TNKS: variants seen among roughly 807,000 people sequenced by gnomAD.
The protein encoded by TNKS is tankyrase.
A neutral mutation model predicts 135.8 loss-of-function variants in TNKS; 72 were observed. The ratio of observed to expected loss-of-function variants is 0.53; its 90% CI spans 0.44 to 0.64. TNKS has a LOEUF of 0.64. Ranked by LOEUF, TNKS falls within the 30% of genes least tolerant of loss-of-function variation. The probability of loss-of-function intolerance (pLI) is 0.00; values close to 1 mark genes in which losing one functional copy is unlikely to be tolerated. For synonymous variants in TNKS, 849 were observed against 649.3 expected (o/e 1.31, Z -4.68); for missense variants, 1,769 against 1,674.0 (o/e 1.06, Z -0.99).
At chr8:9,634,492 G>GT (rs1462623661) in intron 3 of TNKS, among the ~76,000 whole-genome samples, 4 of 152,132 alleles carry the variant, frequency 2.6e-5, no homozygotes, top group African/African-American at 4.8e-5. Context: ...GTTGTTCTTT[G>GT]TTTTTTGCAG....
Position 9,556,274 on chromosome 8 carries a change from C to G in TNKS, c.335C>G (p.Ser112Cys). 3.7e-6 allele frequency: 6 copies of G among 1,614,276 alleles called. No individual in the cohort carries two copies. Among genetic ancestry groups the G allele is most frequent in the Admixed American group, 1.7e-5 (1 of 60,036 alleles). ...APVVPAVSTS[S>C]AAGVAPNPAG... ...GTGGTCCCAGCGGTTTCTACTTCAT[C>G]TGCCGCTGGGGTCGCTCCCAACCCA... is the stretch of plus-strand genomic sequence containing the variant. The change falls in exon 1 of 27, where the codon TCT becomes TGT. Residue 112 changes from serine (S) to cysteine (C), a missense_variant. This residue lies in a region of TNKS where 450 missense variants were observed against 304.9 expected (regional missense o/e 1.48). Coordinates refer to ENST00000310430, the MANE Select transcript of TNKS (RefSeq NM_003747.3).
chr8:9,666,667 G>A (rs551507902), intron 3 of TNKS, among the ~76,000 whole-genome samples: 1 of 151,780 alleles, frequency 6.6e-6, no homozygotes, highest in South Asian at 2.1e-4. Context: ...TTTGCAGTGA[G>A]CCAAGATGGT....
At chr8:9,646,945 G>C (rs1000432473) in intron 3 of TNKS, among the ~76,000 whole-genome samples, 2 of 152,068 alleles carry the variant, frequency 1.3e-5, no homozygotes, top group African/African-American at 4.8e-5. Context: ...AGAAAAATTT[G>C]GGAAATTTTA....
At chr8:9,750,719 C>T (rs28675389) in intron 18 of TNKS, among the ~76,000 whole-genome samples, 3 of 152,142 alleles carry the variant, frequency 2.0e-5, no homozygotes, top group African/African-American at 7.2e-5. Context: ...CACTAAGCCA[C>T]CCCCAAACCC....
intron 5 of TNKS, among the ~76,000 whole-genome samples, chr8:9,688,140 T>C (rs1182889808): frequency 6.6e-6 from 1 of 152,216 alleles, no homozygotes; most frequent in African/African-American, 2.4e-5. Flanking sequence ...AAATATTACA[T>C]GATAAAGATA....
intron 3 of TNKS, among the ~76,000 whole-genome samples, chr8:9,634,980 A>G (rs533450910): frequency 6.6e-6 from 1 of 151,590 alleles, no homozygotes; most frequent in South Asian, 2.1e-4. Context: ...GATCGAGACC[A>G]CGGTGAAACC....
At chr8:9,627,961 C>T (rs908108674) in intron 3 of TNKS, among the ~76,000 whole-genome samples, 7 of 152,142 alleles carry the variant, frequency 4.6e-5, no homozygotes, top group Admixed American at 1.3e-4. Flanking sequence ...CAGCTGCACT[C>T]GTGTACAATG....
chr8:9,776,788 C>T lies in TNKS; in HGVS notation c.*52C>T. ...CAGATTTCAACCTGGGACTGGATTA[C>T]AGAGGATTGTTTCTAATAACAACAT... is the stretch of plus-strand genomic sequence containing the variant. On this transcript the variant is annotated 3_prime_UTR_variant, in exon 27 of 27. Coordinates refer to ENST00000310430, the MANE Select transcript of TNKS (RefSeq NM_003747.3). 2 of 1,532,194 alleles carry T rather than the reference C, an allele frequency of 1.3e-6. No individual in the cohort carries two copies. The highest frequency in any genetic ancestry group is 1.8e-6 in the Non-Finnish European group (2 of 1,107,020). The allele number at this position is 1,532,194 out of a possible 1,614,324, so 94.9% of individuals were successfully genotyped here.
chr8:9,589,823 T>C (rs1798524355), intron 2 of TNKS, among the ~76,000 whole-genome samples: 1 of 152,248 alleles, frequency 6.6e-6, no homozygotes, highest in Non-Finnish European at 1.5e-5. Context: ...ATCTCATGCC[T>C]TCAACGAAGA....
intron 26 of TNKS, chr8:9,772,283 A>G (rs1807952660): frequency 4.7e-6 from 2 of 429,116 alleles, no homozygotes; most frequent in East Asian, 7.2e-5. Flanking sequence ...GTAATTATAT[A>G]TTGGAGAAAG....
At chr8:9,568,817 C>T (rs1797649086) in intron 1 of TNKS, among the ~76,000 whole-genome samples, 1 of 149,668 alleles carries the variant, frequency 6.7e-6, no homozygotes, top group Non-Finnish European at 1.5e-5. Context: ...TGATTCTGTA[C>T]CCACAGTTGA....
intron 18 of TNKS, among the ~76,000 whole-genome samples, chr8:9,749,356 C>T (rs1350923143): frequency 6.6e-6 from 1 of 152,128 alleles, no homozygotes; most frequent in African/African-American, 2.4e-5. Context: ...CAGCCAGACA[C>T]ATGTTATCAG....
chr8:9,560,493 C>CTTTTT (rs535715245), intron 1 of TNKS, among the ~76,000 whole-genome samples: 1,448 of 42,342 alleles, frequency 0.034, 109 homozygotes, highest in Non-Finnish European at 0.039. Context: ...CCATACTTGT[C>CTTTTT]TTTTTTTTTT....
chr8:9,600,095 C>G (rs1798954492), intron 2 of TNKS, among the ~76,000 whole-genome samples: 1 of 152,104 alleles, frequency 6.6e-6, no homozygotes, highest in African/African-American at 2.4e-5. Context: ...CTAATATTAT[C>G]TCCTGATTTA....
intron 3 of TNKS, among the ~76,000 whole-genome samples, chr8:9,666,437 T>C (rs73202875): frequency 0.058 from 8,753 of 152,172 alleles, 470 homozygotes; most frequent in Non-Finnish European, 0.077. Context: ...AAGTAAAATA[T>C]GGCTGGGTGT....
chr8:9,615,892 T>G (rs965987274), intron 3 of TNKS, among the ~76,000 whole-genome samples: 9 of 152,238 alleles, frequency 5.9e-5, no homozygotes, highest in African/African-American at 2.2e-4. Flanking sequence ...CTTAGAATGA[T>G]AGCATTAAAT....
intron 3 of TNKS, among the ~76,000 whole-genome samples, chr8:9,659,357 T>G (rs905623089): frequency 6.6e-6 from 1 of 152,092 alleles, no homozygotes; most frequent in Non-Finnish European, 1.5e-5. Context: ...TCAGCAAATG[T>G]AAAAGAACAG....
At position 9,764,136 on chromosome 8, in the gene TNKS, G is replaced by GAGTT. The variant is rs146553784; in HGVS notation, c.3373-578_3373-575dup. Among the ~76,000 whole-genome samples, 96 of 151,944 alleles carry GAGTT rather than the reference G, an allele frequency of 6.3e-4. 1 individual carries two copies. In the East Asian group the frequency reaches 0.018, roughly 28 times the overall value. On this transcript the variant is annotated intron_variant, in intron 22 of 26. Transcript: ENST00000310430. Reference sequence around the variant, plus strand: ...AGGAAGAGAATTCATTTTTTTTATTGAGTTAATTCTCTGAGAAACTTAGAT... The same window carrying GAGTT: ...AGGAAGAGAATTCATTTTTTTTATTGAGTTAGTTAATTCTCTGAGAAACTTAGAT...
chr8:9,752,732 AT>A, intron 20 of TNKS, 106 bp downstream of exon 20: 1 of 706,586 alleles, frequency 1.4e-6, no homozygotes, highest in Non-Finnish European at 2.2e-6. Context: ...CTTCGGCAGG[AT>A]TGCTTGAGCC....
Sources: allele counts gnomAD v4.1 joint callset (sites outside exome capture counted in the v4.1 genomes callset), GRCh38; gene constraint gnomAD v4.1.1; regional missense constraint gnomAD v4.1.1; transcripts MANE v1.5; gene names NCBI Gene and HGNC (gene_info 2026-07-23, HGNC 2026-07-21).